Variants in SYT17 observed in about 807,000 individuals in gnomAD.
The protein encoded by SYT17 is synaptotagmin 17.
SYT17 carries 22 observed loss-of-function variants against 46.7 expected under a neutral mutation model. The ratio of observed to expected loss-of-function variants is 0.47; its 90% CI spans 0.34 to 0.67. SYT17 has a LOEUF of 0.67. Among genes scored for constraint, SYT17 ranks in the 30% least tolerant of loss-of-function variants. The pLI is 0.01. For synonymous variants in SYT17, 251 were observed against 248.4 expected (o/e 1.01, Z -0.10); for missense variants, 519 against 612.8 (o/e 0.85, Z 1.62).
chr16:19,224,701 A>G lies in SYT17; in HGVS notation c.1091A>G (p.Gln364Arg). 1 of 1,614,094 alleles carries G rather than the reference A, an allele frequency of 6.2e-7. No individual in the cohort carries two copies. The highest frequency in any genetic ancestry group is 8.5e-7 in the Non-Finnish European group (1 of 1,179,962). Residue 364 changes from glutamine to arginine, a missense_variant, in exon 7 of 8, where the codon CAG (glutamine) becomes CGG (arginine). Transcript: ENST00000355377. ...TTTTCAGACCCCTTTGTGAAAATCC[A>G]GCTGGTGCATGGACTCAAACTTGTG... is the stretch of plus-strand genomic sequence containing the variant. ...SQGSDPFVKI[Q>R]LVHGLKLVKT...
intron 1 of SYT17, 103 bp from the exon 2 acceptor site, chr16:19,172,657 T>G (rs1318350154): frequency 1.9e-6 from 3 of 1,561,820 alleles, no homozygotes; most frequent in Non-Finnish European, 8.6e-7. Context: ...TTTGTAAAAT[T>G]TTTTTGAGTT....
intron 7 of SYT17, among the ~76,000 whole-genome samples, chr16:19,250,994 T>G (rs908730294): frequency 2.0e-5 from 3 of 152,198 alleles, no homozygotes; most frequent in African/African-American, 7.2e-5. Flanking sequence ...CAGCATTATC[T>G]TCGTGAAATT....
chr16:19,239,101 G>T (rs1230846371), intron 7 of SYT17, among the ~76,000 whole-genome samples: 2 of 152,018 alleles, frequency 1.3e-5, no homozygotes, highest in Admixed American at 1.3e-4. Context: ...AACACAGAAA[G>T]ACACCATCTC....
At chr16:19,172,695 C>G in intron 1 of SYT17, 65 bp from the exon 2 acceptor site, 1 of 1,574,198 alleles carries the variant, frequency 6.4e-7, no homozygotes, top group East Asian at 2.3e-5. Flanking sequence ...CTGGTCTTGT[C>G]TCTCTTTCTT....
intron 7 of SYT17, among the ~76,000 whole-genome samples, chr16:19,229,682 A>T (rs1336387326): frequency 6.6e-6 from 1 of 152,250 alleles, no homozygotes; most frequent in Non-Finnish European, 1.5e-5. Flanking sequence ...TAGAATTAGC[A>T]TGTGATCTAG....
In SYT17 at chr16:19,212,193, C is replaced by T. The variant is rs186977367; in HGVS notation, c.952-10852C>T. Among the ~76,000 whole-genome samples, 570 of 152,214 alleles carry T rather than the reference C, an allele frequency of 3.7e-3. 2 individuals are homozygous for T. The highest frequency in any genetic ancestry group is 0.01 in the Middle Eastern group (3 of 294). ...AGAGGCCAGAGATGCTGCTAAACTT[C>T]CTGTAGCGCACAGGACAGCTCCCAC... On this transcript the variant is annotated intron_variant, in intron 5 of 7. Coordinates refer to ENST00000355377, the MANE Select transcript of SYT17 (RefSeq NM_016524.4).
chr16:19,257,556 G>A (rs1014322186), intron 7 of SYT17, among the ~76,000 whole-genome samples: 1 of 152,142 alleles, frequency 6.6e-6, no homozygotes, highest in Non-Finnish European at 1.5e-5. Context: ...AGAAAGAAAA[G>A]GGGAAGAAGC....
At chr16:19,203,495 G>A (rs1401416471) in intron 5 of SYT17, among the ~76,000 whole-genome samples, 1 of 152,212 alleles carries the variant, frequency 6.6e-6, no homozygotes, top group Non-Finnish European at 1.5e-5. Flanking sequence ...AGCCCCAAGT[G>A]TGGTACAGAA....
intron 5 of SYT17, among the ~76,000 whole-genome samples, chr16:19,195,279 G>T (rs977489666): frequency 1.3e-5 from 2 of 152,114 alleles, no homozygotes; most frequent in Non-Finnish European, 2.9e-5. Context: ...ACAGAACTGG[G>T]ACTTGAACCC....
chr16:19,248,543 G>A (rs930170968), intron 7 of SYT17, among the ~76,000 whole-genome samples: 3 of 152,166 alleles, frequency 2.0e-5, no homozygotes, highest in South Asian at 2.1e-4. Context: ...CTACTGGGCC[G>A]GGCGTGGTGG....
chr16:19,266,027 C>A (rs1035083154), intron 7 of SYT17, among the ~76,000 whole-genome samples: 4 of 152,232 alleles, frequency 2.6e-5, no homozygotes, highest in Non-Finnish European at 5.9e-5. Context: ...GCTCTTACCA[C>A]CTGCTTGGCA....
intron 5 of SYT17, among the ~76,000 whole-genome samples, chr16:19,191,148 G>T (rs1327730570): frequency 6.6e-6 from 1 of 151,664 alleles, no homozygotes; most frequent in Non-Finnish European, 1.5e-5. Context: ...CCTAAAGTTT[G>T]TGCATTTCAC....
At chr16:19,219,749 GCTA>G (rs1450634980) in intron 5 of SYT17, among the ~76,000 whole-genome samples, 2 of 152,084 alleles carry the variant, frequency 1.3e-5, no homozygotes, top group Non-Finnish European at 2.9e-5. Flanking sequence ...AAATCTGTGT[GCTA>G]TCCATCCCCC....
intron 3 of SYT17, among the ~76,000 whole-genome samples, chr16:19,176,213 C>T (rs1399512245): frequency 1.3e-5 from 2 of 152,156 alleles, no homozygotes; most frequent in East Asian, 3.8e-4. Flanking sequence ...CATGTGGCAG[C>T]ACTAGACTTG....
chr16:19,203,912 G>C (rs539553845), intron 5 of SYT17, among the ~76,000 whole-genome samples: 1 of 152,228 alleles, frequency 6.6e-6, no homozygotes, highest in African/African-American at 2.4e-5. Context: ...TACCGTGTGG[G>C]CAATGGTGCA....
At chr16:19,257,815 T>C (rs1338274779) in intron 7 of SYT17, among the ~76,000 whole-genome samples, 1 of 152,152 alleles carries the variant, frequency 6.6e-6, no homozygotes, top group East Asian at 1.9e-4. Flanking sequence ...TCTGGGGGTG[T>C]CCCTGCACTG....
At chr16:19,257,343 G>T (rs1182134850) in intron 7 of SYT17, among the ~76,000 whole-genome samples, 2 of 148,362 alleles carry the variant, frequency 1.3e-5, no homozygotes, top group African/African-American at 5.0e-5. Context: ...CCCGCTCATT[G>T]TATAAAGGGG....
rs1299091445 is a variant in SYT17, at chr16:19,252,510, TATATATAC to T, written c.1229-14362_1229-14355del. 3.9e-5 allele frequency among the ~76,000 whole-genome samples: 2 copies of T among 51,930 alleles called. 1 individual carries two copies. 34.1% of individuals were successfully genotyped at this position (51,930 alleles called of 152,430 possible). On this transcript the variant is annotated intron_variant, in intron 7 of 7. Coordinates refer to ENST00000355377, the MANE Select transcript of SYT17 (RefSeq NM_016524.4). ...ATATATATACATATATATATACATA[TATATATAC>T]ATATATATATACATATATATATTTT...
At chr16:19,197,411 GT>G (rs1321000580) in intron 5 of SYT17, among the ~76,000 whole-genome samples, 2 of 144,858 alleles carry the variant, frequency 1.4e-5, no homozygotes, top group East Asian at 4.0e-4. Flanking sequence ...AAGAGGACAG[GT>G]TTTTTTTGTT....
Sources: gnomAD v4.1 joint callset for allele counts (sites outside exome capture counted in the v4.1 genomes callset) on GRCh38, gnomAD v4.1.1 for gene constraint, MANE v1.5 for transcripts, NCBI Gene and HGNC (gene_info 2026-07-23, HGNC 2026-07-21) for gene names.